SCARB2: variants seen among roughly 807,000 people sequenced by gnomAD.
The protein encoded by SCARB2 is lysosome membrane protein 2.
In SCARB2, 29 loss-of-function variants were observed where a neutral mutation model predicts 58.6. The ratio of observed to expected loss-of-function variants is 0.49; its 90% CI spans 0.37 to 0.67. The LOEUF (loss-of-function observed/expected upper bound fraction) is 0.67, where lower values mean the gene tolerates loss of function less well. SCARB2 is among the 30% of genes least tolerant of loss of function. The pLI is 0.00. For missense variants in SCARB2, 488 were observed against 578.5 expected (o/e 0.84, Z 1.60); for synonymous variants, 195 against 210.1 (o/e 0.93, Z 0.62).
intron 2 of SCARB2, chr4:76,193,267 A>G (rs1032286784): frequency 6.6e-6 from 1 of 152,344 alleles, no homozygotes; most frequent in African/African-American, 2.4e-5. Flanking sequence ...CCTAGATTTC[A>G]GATGATGTAT....
rs555870226 is a variant in SCARB2, at chr4:76,180,805, TAAAGA to T, written c.423+144_423+148del. ...TTAGAAAAAAGTCCAAGATGTACTT[TAAAGA>T]AAAGAAAAGAAGTATTTTTCTTTTT... On this transcript the variant is annotated intron_variant, in intron 3 of 11. Transcript: ENST00000264896. 631 of 571,094 alleles carry T rather than the reference TAAAGA, an allele frequency of 1.1e-3. 3 individuals are homozygous for T. Among genetic ancestry groups the T allele is most frequent in the African/African-American group, 0.01 (542 of 52,834 alleles). The allele number at this position is 571,094 out of a possible 1,614,324, so 35.4% of individuals were successfully genotyped here.
chr4:76,184,264 A>G (rs1732442462), intron 2 of SCARB2, among the ~76,000 whole-genome samples: 1 of 152,218 alleles, frequency 6.6e-6, no homozygotes, highest in South Asian at 2.1e-4. Flanking sequence ...CTCTCCTAAC[A>G]GGTACCTAAG....
At chr4:76,180,038 G>T in intron 3 of SCARB2, 1 of 357,904 alleles carries the variant, frequency 2.8e-6, no homozygotes, top group Non-Finnish European at 5.4e-6. Context: ...CGCCTAAGCA[G>T]GGCCAGAGGC....
rs184352856 is a variant in SCARB2, at chr4:76,222,923, G to T, written c.-358+11380C>A. Reference sequence around the variant, plus strand: ...GCTGAAGCTCAGAAGAAAGGCAGGGGGGGAAGAGGCCCAGGTGAAGCCTCG... The same window carrying T: ...GCTGAAGCTCAGAAGAAAGGCAGGGTGGGAAGAGGCCCAGGTGAAGCCTCG... On this transcript the variant is annotated intron_variant, in intron 1 of 11. Transcript: ENST00000638295. 2.0e-5 allele frequency among the ~76,000 whole-genome samples: 3 copies of T among 152,142 alleles called. No homozygotes were observed. In the South Asian group the frequency reaches 6.2e-4, roughly 32 times the overall value.
intron 9 of SCARB2, 95 bp from the exon 10 acceptor site, chr4:76,166,396 C>T (rs1732010267): frequency 1.6e-6 from 2 of 1,287,220 alleles, no homozygotes; most frequent in African/African-American, 1.5e-5. Context: ...TTCTAGTACA[C>T]TTATTTCTTA....
chr4:76,189,872 A>G (rs1296983036), intron 2 of SCARB2, among the ~76,000 whole-genome samples: 2 of 152,102 alleles, frequency 1.3e-5, no homozygotes, highest in African/African-American at 4.8e-5. Flanking sequence ...CCGTGATTAA[A>G]TTACCCCCCT....
intron 2 of SCARB2, among the ~76,000 whole-genome samples, chr4:76,185,947 A>C (rs1439516686): frequency 6.6e-6 from 1 of 152,224 alleles, no homozygotes; most frequent in Non-Finnish European, 1.5e-5. Flanking sequence ...GTGAGAATGA[A>C]ATCCACATAA....
chr4:76,194,073 T>C (rs1269699323), intron 2 of SCARB2: 1 of 152,240 alleles, frequency 6.6e-6, no homozygotes, highest in East Asian at 1.9e-4. Context: ...TGTAAAAGTG[T>C]GGCACCTCCT....
chr4:76,231,916 T>C (rs895220385), intron 1 of SCARB2, among the ~76,000 whole-genome samples: 3 of 152,224 alleles, frequency 2.0e-5, no homozygotes, highest in Non-Finnish European at 4.4e-5. Context: ...CAAGATTGAC[T>C]CCTTAAAGGA....
In SCARB2 at chr4:76,174,258, G is replaced by C. The variant is rs796052947; in HGVS notation, c.880C>G (p.Arg294Gly). Residue 294 changes from arginine (R) to glycine (G), a missense_variant, in exon 7 of 12, where the codon CGG becomes GGG. Arg to Gly is a moderately radical substitution (Grantham distance 125). Transcript: ENST00000264896. ...AATATTTCTGCAGGAACTTTATACC[G>C]AAAGGCAGGCAGTCCCTGTACACTC... The part of the protein sequence containing the change: ...YESVQGLPAF[R>G]YKVPAEILAN... 11 of 1,614,122 alleles carry C rather than the reference G, an allele frequency of 6.8e-6. No individual in the cohort carries two copies. Among genetic ancestry groups the C allele is most frequent in the Non-Finnish European group, 9.3e-6 (11 of 1,179,990 alleles).
intron 2 of SCARB2, chr4:76,192,458 T>C (rs1426453022): frequency 6.6e-6 from 1 of 152,182 alleles, no homozygotes; most frequent in Non-Finnish European, 1.5e-5. Flanking sequence ...AGTGATGATT[T>C]AGGATATCTG....
chr4:76,233,629 C>T (rs1254861800), intron 1 of SCARB2, among the ~76,000 whole-genome samples: 3 of 152,036 alleles, frequency 2.0e-5, no homozygotes, highest in African/African-American at 7.2e-5. Context: ...GCATATAACA[C>T]ACACATATAA....
intron 1 of SCARB2, among the ~76,000 whole-genome samples, chr4:76,202,579 G>C (rs1732850768): frequency 6.6e-6 from 1 of 152,010 alleles, no homozygotes; most frequent in African/African-American, 2.4e-5. Context: ...CTTTAAATCA[G>C]GTAAATGCTA....
chr4:76,167,591 C>T (rs1351550867), intron 9 of SCARB2, among the ~76,000 whole-genome samples: 8 of 151,900 alleles, frequency 5.3e-5, no homozygotes, highest in Admixed American at 1.3e-4. Context: ...GCTTCCTGTA[C>T]AGCCTACAGA....
intron 11 of SCARB2, chr4:76,162,000 T>G: frequency 1.8e-6 from 1 of 565,518 alleles, no homozygotes; most frequent in South Asian, 2.0e-5. Context: ...TGTGTTGATC[T>G]GGATTATAAA....
At chr4:76,225,936 A>G (rs1007933124) in intron 1 of SCARB2, among the ~76,000 whole-genome samples, 1 of 152,190 alleles carries the variant, frequency 6.6e-6, no homozygotes, top group African/African-American at 2.4e-5. Context: ...CTCATTCTCT[A>G]TCATTGGAAT....
chr4:76,207,966 A>G (rs1477634159), intron 1 of SCARB2, among the ~76,000 whole-genome samples: 1 of 152,256 alleles, frequency 6.6e-6, no homozygotes, highest in Non-Finnish European at 1.5e-5. Flanking sequence ...TTAAGGAATG[A>G]AGACATGGTC....
chr4:76,189,474 C>CTGTTGTTGTTGT lies in SCARB2; in HGVS notation c.275+6221_275+6232dup, dbSNP rs138885918. Among the ~76,000 whole-genome samples, 239 of 150,452 alleles carry CTGTTGTTGTTGT rather than the reference C, an allele frequency of 1.6e-3. 1 individual carries two copies. Among genetic ancestry groups the CTGTTGTTGTTGT allele is most frequent in the South Asian group, 0.014 (64 of 4,738 alleles). On this transcript the variant is annotated intron_variant, in intron 2 of 11. Coordinates refer to ENST00000264896, the MANE Select transcript of SCARB2 (RefSeq NM_005506.4). ...GCCCAGCAAAAGGGTTTTTGTTTGTCTGTTGTTGTTGTTGTTGTTGTTGTT... is the reference window on the plus strand; with the variant it reads ...GCCCAGCAAAAGGGTTTTTGTTTGTCTGTTGTTGTTGTTGTTGTTGTTGTTGTTGTTGTTGTT...
intron 1 of SCARB2, among the ~76,000 whole-genome samples, chr4:76,196,182 G>A (rs958624423): frequency 2.6e-5 from 4 of 152,142 alleles, no homozygotes; most frequent in Non-Finnish European, 5.9e-5. Flanking sequence ...GTGAAACCCC[G>A]TCTCTACTAA....
Sources: gnomAD v4.1 joint callset for allele counts (sites outside exome capture counted in the v4.1 genomes callset) on GRCh38, gnomAD v4.1.1 for gene constraint, MANE v1.5 for transcripts, NCBI Gene and HGNC (gene_info 2026-07-23, HGNC 2026-07-21) for gene names.